Variants in SRGAP1 observed in about 807,000 individuals in gnomAD.
SRGAP1 encodes the protein SLIT-ROBO Rho GTPase activating protein 1, also known as SLIT-ROBO Rho GTPase-activating protein 1.
A neutral mutation model predicts 121.9 loss-of-function variants in SRGAP1; 43 were observed. The ratio of observed to expected loss-of-function variants is 0.35; its 90% CI spans 0.28 to 0.46. The LOEUF is 0.46. Ranked by LOEUF, SRGAP1 falls within the 20% of genes least tolerant of loss-of-function variation. SRGAP1 has a pLI of 1.00. For missense variants in SRGAP1, 1,102 were observed against 1,350.9 expected (o/e 0.82, Z 2.89); for synonymous variants, 447 against 485.4 (o/e 0.92, Z 1.04).
chr12:64,019,887 T>G (rs1413883977), intron 4 of SRGAP1, among the ~76,000 whole-genome samples: 3 of 152,210 alleles, frequency 2.0e-5, no homozygotes, highest in African/African-American at 4.8e-5. Context: ...AGGCATAAAA[T>G]ACATAGCCTC....
chr12:64,028,930 G>A (rs1053107753), intron 4 of SRGAP1, among the ~76,000 whole-genome samples: 3 of 152,208 alleles, frequency 2.0e-5, no homozygotes, highest in African/African-American at 7.2e-5. Context: ...ATCACTGCAA[G>A]GGCTTGACAT....
At chr12:63,995,846 A>G (rs1461012696) in intron 3 of SRGAP1, among the ~76,000 whole-genome samples, 1 of 152,122 alleles carries the variant, frequency 6.6e-6, no homozygotes, top group African/African-American at 2.4e-5. Flanking sequence ...GATCAAAGAC[A>G]GCCATATTCT....
At chr12:64,090,238 A>G (rs2036024195) in intron 11 of SRGAP1, among the ~76,000 whole-genome samples, 1 of 152,176 alleles carries the variant, frequency 6.6e-6, no homozygotes, top group African/African-American at 2.4e-5. Flanking sequence ...CACAGTTTCT[A>G]AATATACTAC....
chr12:63,884,719 C>CTCTTCTTTTTTTT (rs1900314867), intron 1 of SRGAP1, among the ~76,000 whole-genome samples: 1 of 123,858 alleles, frequency 8.1e-6, no homozygotes. Context: ...CACCACCATT[C>CTCTTCTTTTTTTT]TTTTTTTTTT....
intron 12 of SRGAP1, 100 bp from the exon 13 acceptor site, chr12:64,094,832 C>A: frequency 8.4e-7 from 1 of 1,193,576 alleles, no homozygotes; most frequent in Non-Finnish European, 1.2e-6. Context: ...TCCAGAACTG[C>A]AAAAATCCCT....
chr12:63,894,939 C>T (rs1044330613), intron 1 of SRGAP1, among the ~76,000 whole-genome samples: 3 of 150,964 alleles, frequency 2.0e-5, no homozygotes, highest in Non-Finnish European at 4.4e-5. Context: ...CACACATGTG[C>T]ATGTGCCTTT....
chr12:64,087,688 A>G lies in SRGAP1; in HGVS notation c.1436+662A>G, dbSNP rs375653101. Reference sequence around the variant, plus strand: ...CAGGCGGAGGTTGCAGTGAGCCAAGATTGCGCCACCACACTCCAGCCTGGG... The same window carrying G: ...CAGGCGGAGGTTGCAGTGAGCCAAGGTTGCGCCACCACACTCCAGCCTGGG... On this transcript the variant is annotated intron_variant, in intron 11 of 21. Transcript: ENST00000355086. Among the ~76,000 whole-genome samples the G allele has an allele frequency of 2.0e-5, 3 of 152,160 alleles. No individual in the cohort carries two copies. In the East Asian group the frequency reaches 5.8e-4, roughly 29 times the overall value.
In SRGAP1 at chr12:64,158,456, CCT is replaced by C. The variant is rs1396877061; in HGVS notation, c.*15787_*15788del. 6.6e-6 allele frequency: 1 copy of C among 152,080 alleles called. No individual in the cohort carries two copies. The highest frequency in any genetic ancestry group is 1.5e-5 in the Non-Finnish European group (1 of 68,026). The allele number at this position is 152,080 out of a possible 1,614,324, so 9.4% of individuals were successfully genotyped here. On this transcript the variant is annotated 3_prime_UTR_variant, in exon 22 of 22. Coordinates refer to ENST00000355086, the MANE Select transcript of SRGAP1 (RefSeq NM_020762.4). ...CAACACATCGGGTGCTAAAGTCTAC[CCT>C]CTTAGTTGACATAGAATTAAATTAA... is the stretch of plus-strand genomic sequence containing the variant.
chr12:63,996,171 T>C (rs1333426097), intron 3 of SRGAP1, among the ~76,000 whole-genome samples: 1 of 151,964 alleles, frequency 6.6e-6, no homozygotes, highest in African/African-American at 2.4e-5. Context: ...GAAATAATAA[T>C]TACCCATATT....
intron 1 of SRGAP1, among the ~76,000 whole-genome samples, chr12:63,919,544 A>C (rs567182169): frequency 6.6e-6 from 1 of 150,788 alleles, no homozygotes; most frequent in Non-Finnish European, 1.5e-5. Flanking sequence ...ACACACAACT[A>C]TGTTTGAAAA....
At chr12:63,949,000 CCATATATATATT>C (rs769492511) in intron 1 of SRGAP1, among the ~76,000 whole-genome samples, 1,231 of 119,136 alleles carry the variant, frequency 0.01, 152 homozygotes, top group East Asian at 0.017. Flanking sequence ...TATGTATTTT[CCATATATATATT>C]CATATATGTA....
intron 1 of SRGAP1, among the ~76,000 whole-genome samples, chr12:63,978,670 G>C (rs143518051): frequency 1.1e-3 from 130 of 123,226 alleles, no homozygotes; most frequent in African/African-American, 3.8e-3. Context: ...ACACATTCAC[G>C]TGCAAGTTTT....
chr12:63,936,395 T>C (rs1036600316), intron 1 of SRGAP1, among the ~76,000 whole-genome samples: 2 of 152,196 alleles, frequency 1.3e-5, no homozygotes, highest in African/African-American at 2.4e-5. Flanking sequence ...ATAGTTCCTT[T>C]CCAGTTATCA....
intron 1 of SRGAP1, among the ~76,000 whole-genome samples, chr12:63,964,435 C>T (rs1423260637): frequency 6.6e-6 from 1 of 151,966 alleles, no homozygotes; most frequent in Non-Finnish European, 1.5e-5. Context: ...TTTATTATAC[C>T]TGTTTTAAGG....
At chr12:63,875,965 A>G (rs189653367) in intron 1 of SRGAP1, among the ~76,000 whole-genome samples, 66 of 152,368 alleles carry the variant, frequency 4.3e-4, no homozygotes, top group African/African-American at 1.5e-3. Context: ...AAACATAACA[A>G]TCATGTTTAT....
chr12:63,943,505 G>T (rs189511743), intron 1 of SRGAP1, among the ~76,000 whole-genome samples: 64 of 152,302 alleles, frequency 4.2e-4, no homozygotes, highest in African/African-American at 1.5e-3. Context: ...GAGGCAAAGG[G>T]AAGTTAAATA....
chr12:64,065,323 T>A (rs1350706085), intron 8 of SRGAP1, 104 bp downstream of exon 8: 1 of 972,508 alleles, frequency 1.0e-6, no homozygotes, highest in Non-Finnish European at 1.6e-6. Context: ...ATTCAACCTC[T>A]TCATCACGTA....
intron 1 of SRGAP1, among the ~76,000 whole-genome samples, chr12:63,920,222 C>T (rs1156820844): frequency 6.6e-6 from 1 of 152,196 alleles, no homozygotes; most frequent in Non-Finnish European, 1.5e-5. Context: ...GCATTGTGGT[C>T]TTCATTGACA....
intron 1 of SRGAP1, among the ~76,000 whole-genome samples, chr12:63,966,696 A>G (rs531965287): frequency 2.4e-4 from 36 of 152,344 alleles, no homozygotes; most frequent in African/African-American, 8.2e-4. Flanking sequence ...AAGACAGCAT[A>G]GGAAAACAAG....
Sources: allele counts gnomAD v4.1 joint callset (sites outside exome capture counted in the v4.1 genomes callset), GRCh38; gene constraint gnomAD v4.1.1; transcripts MANE v1.5; gene names NCBI Gene and HGNC (gene_info 2026-07-23, HGNC 2026-07-21).